FHIT: variants seen among roughly 807,000 people sequenced by gnomAD.
The protein encoded by FHIT is bis(5'-adenosyl)-triphosphatase.
In FHIT, 19 loss-of-function variants were observed where a neutral mutation model predicts 17.9. That is an observed-to-expected ratio of 1.06 (90% CI 0.74 to 1.56). FHIT has a LOEUF of 1.56. Among genes scored for constraint, FHIT ranks in the 40% most tolerant of loss-of-function variants. The pLI, the probability that FHIT is intolerant of heterozygous loss-of-function variation, is 0.00. For synonymous variants in FHIT, 81 were observed against 69.7 expected (o/e 1.16, Z -0.81); for missense variants, 248 against 189.2 (o/e 1.31, Z -1.82).
chr3:60,926,369 G>T (rs1201710140), intron 3 of FHIT, among the ~76,000 whole-genome samples: 2 of 152,192 alleles, frequency 1.3e-5, no homozygotes, highest in African/African-American at 2.4e-5. Flanking sequence ...TCAGATCACA[G>T]TGCAATCAAA....
At chr3:59,752,681 A>C (rs149047632) in intron 8 of FHIT, among the ~76,000 whole-genome samples, 129 of 152,180 alleles carry the variant, frequency 8.5e-4, no homozygotes, top group African/African-American at 2.7e-3. Flanking sequence ...TGCTGTTCTC[A>C]TGATAGTGAG....
intron 2 of FHIT, among the ~76,000 whole-genome samples, chr3:61,196,925 C>G (rs1370481254): frequency 1.3e-5 from 2 of 152,138 alleles, no homozygotes; most frequent in Non-Finnish European, 2.9e-5. Flanking sequence ...GCTAATACAA[C>G]AGAAAGCCAG....
chr3:60,985,857 A>G (rs1037649336), intron 3 of FHIT, among the ~76,000 whole-genome samples: 3 of 152,220 alleles, frequency 2.0e-5, no homozygotes, highest in African/African-American at 7.2e-5. Context: ...CAAGGTGTTG[A>G]CAGGGCTGTT....
At chr3:60,898,942 T>C (rs1040309877) in intron 3 of FHIT, among the ~76,000 whole-genome samples, 17 of 152,216 alleles carry the variant, frequency 1.1e-4, no homozygotes, top group African/African-American at 3.6e-4. Context: ...ATAAACACAT[T>C]GGCCTTAGAA....
rs2034448705 is a variant in FHIT, at chr3:61,062,053, C to CTA, written c.-163-19956_-163-19955dup. 2.0e-5 allele frequency among the ~76,000 whole-genome samples: 3 copies of CTA among 152,150 alleles called. No homozygotes were observed. In the South Asian group the frequency reaches 6.2e-4, roughly 32 times the overall value. On this transcript the variant is annotated intron_variant, in intron 2 of 9. Coordinates refer to ENST00000492590, the MANE Select transcript of FHIT (RefSeq NM_002012.4). ...AATTTCAATGTATAGACATATAATACTATATATAATACTATATTGAACCTC... is the reference window on the plus strand; with the variant it reads ...AATTTCAATGTATAGACATATAATACTATATATATAATACTATATTGAACCTC...
At chr3:59,868,112 C>A (rs35117438) in intron 8 of FHIT, among the ~76,000 whole-genome samples, 36 of 148,188 alleles carry the variant, frequency 2.4e-4, no homozygotes, top group Middle Eastern at 7.1e-3. Flanking sequence ...ATGGCCCTAG[C>A]GGAAGAGCTA....
chr3:61,203,040 T>C (rs7647122), intron 1 of FHIT, among the ~76,000 whole-genome samples: 87,971 of 151,714 alleles, frequency 0.58, 29,166 homozygotes, highest in African/African-American at 0.88. Context: ...ATTAGATGGG[T>C]GTGGTACCAG....
At chr3:61,167,643 AAAAG>A (rs2037879110) in intron 2 of FHIT, among the ~76,000 whole-genome samples, 1 of 151,074 alleles carries the variant, frequency 6.6e-6, no homozygotes, top group Non-Finnish European at 1.5e-5. Flanking sequence ...AAAAAAAAAA[AAAAG>A]AAAGAAAAGA....
chr3:59,951,168 G>C (rs1707096720), intron 7 of FHIT, among the ~76,000 whole-genome samples: 1 of 152,204 alleles, frequency 6.6e-6, no homozygotes, highest in African/African-American at 2.4e-5. Context: ...AGAGGTGGTA[G>C]CATCAGGTCA....
intron 5 of FHIT, among the ~76,000 whole-genome samples, chr3:60,504,158 G>C (rs1373019715): frequency 6.6e-6 from 1 of 152,054 alleles, no homozygotes; most frequent in Admixed American, 6.6e-5. Context: ...TTTTTTGGCC[G>C]GGCAGCGTGC....
intron 2 of FHIT, among the ~76,000 whole-genome samples, chr3:61,153,223 G>A (rs1022152056): frequency 3.3e-5 from 5 of 151,582 alleles, no homozygotes; most frequent in African/African-American, 1.2e-4. Flanking sequence ...AGGAAATTGA[G>A]AGATAACATC....
chr3:60,501,392 T>G (rs1218403243), intron 5 of FHIT, among the ~76,000 whole-genome samples: 5 of 152,208 alleles, frequency 3.3e-5, no homozygotes, highest in African/African-American at 1.2e-4. Context: ...TAATACTCAG[T>G]TCTATAGATA....
At chr3:60,447,534 C>T (rs373512714) in intron 5 of FHIT, among the ~76,000 whole-genome samples, 71 of 152,212 alleles carry the variant, frequency 4.7e-4, no homozygotes, top group Middle Eastern at 3.4e-3. Context: ...TGTAATCTGT[C>T]AGCAGGCCTC....
At chr3:60,511,126 C>A (rs182573333) in intron 5 of FHIT, among the ~76,000 whole-genome samples, 89 of 152,244 alleles carry the variant, frequency 5.8e-4, no homozygotes, top group African/African-American at 2.0e-3. Flanking sequence ...CTGCCCATTA[C>A]TTTCAGTGAG....
intron 3 of FHIT, among the ~76,000 whole-genome samples, chr3:60,904,468 C>G (rs1428891054): frequency 2.4e-5 from 3 of 125,186 alleles, no homozygotes; most frequent in Non-Finnish European, 5.0e-5. Context: ...AACTATAACT[C>G]AAATCCAAAT....
At chr3:60,814,744 G>A (rs961806129) in intron 4 of FHIT, among the ~76,000 whole-genome samples, 5 of 152,014 alleles carry the variant, frequency 3.3e-5, no homozygotes, top group Non-Finnish European at 5.9e-5. Context: ...TTGCTGGATC[G>A]AATGGTAGTT....
chr3:60,574,056 C>T (rs1255536108), intron 4 of FHIT, among the ~76,000 whole-genome samples: 1 of 151,992 alleles, frequency 6.6e-6, no homozygotes, highest in Non-Finnish European at 1.5e-5. Flanking sequence ...GCGATCCACC[C>T]GCCTCAGCCT....
chr3:60,722,565 T>G (rs1169091347), intron 4 of FHIT, among the ~76,000 whole-genome samples: 2 of 152,180 alleles, frequency 1.3e-5, no homozygotes, highest in African/African-American at 4.8e-5. Flanking sequence ...CACTGTAGGA[T>G]GTTTAGAAAC....
intron 5 of FHIT, among the ~76,000 whole-genome samples, chr3:60,172,647 A>G (rs1701472506): frequency 1.3e-5 from 2 of 152,096 alleles, no homozygotes; most frequent in African/African-American, 2.4e-5. Flanking sequence ...GGGAAAACGG[A>G]AAGAACAGCA....
Sources: gnomAD v4.1 joint callset for allele counts (sites outside exome capture counted in the v4.1 genomes callset) on GRCh38, gnomAD v4.1.1 for gene constraint, MANE v1.5 for transcripts, NCBI Gene and HGNC (gene_info 2026-07-23, HGNC 2026-07-21) for gene names.